The following ANO3 variants were observed in gnomAD, a reference collection of about 807,000 sequenced individuals.
ANO3 encodes the protein anoctamin-3.
Under a neutral mutation model 144.8 loss-of-function variants are expected in ANO3, and 99 were observed. The observed-to-expected ratio is 0.68, with a 90% CI of 0.58 to 0.81. The LOEUF (loss-of-function observed/expected upper bound fraction) is 0.81, where lower values mean the gene tolerates loss of function less well. ANO3 is among the 30% of genes least tolerant of loss of function. The probability of loss-of-function intolerance (pLI) is 0.00; values close to 1 mark genes in which losing one functional copy is unlikely to be tolerated. For missense variants in ANO3, 905 were observed against 1,202.2 expected (o/e 0.75, Z 3.66); for synonymous variants, 414 against 392.6 (o/e 1.05, Z -0.64).
At chr11:26,217,193 T>C (rs568894929) in intron 1 of ANO3, among the ~76,000 whole-genome samples, 38 of 152,084 alleles carry the variant, frequency 2.5e-4, no homozygotes, top group Non-Finnish European at 4.0e-4. Context: ...TATAGTTTTG[T>C]ATTTTACATT....
chr11:26,231,228 T>A (rs1396426844), intron 1 of ANO3, among the ~76,000 whole-genome samples: 1 of 152,166 alleles, frequency 6.6e-6, no homozygotes, highest in Non-Finnish European at 1.5e-5. Flanking sequence ...TAGACAGGAC[T>A]ATCTGAGGTT....
chr11:26,391,295 A>G (rs66502406), intron 1 of ANO3, among the ~76,000 whole-genome samples: 40,305 of 151,798 alleles, frequency 0.27, 6,006 homozygotes, highest in African/African-American at 0.4. Flanking sequence ...TCTCATGATG[A>G]TTAACCTGTT....
At chr11:26,365,971 TA>T (rs55879707) in intron 1 of ANO3, among the ~76,000 whole-genome samples, 2,031 of 68,612 alleles carry the variant, frequency 0.03, 86 homozygotes, top group South Asian at 0.1. Context: ...TATATATATA[TA>T]TATATATATA....
intron 3 of ANO3, chr11:26,460,161 T>A (rs1416020259): frequency 2.4e-5 from 10 of 411,674 alleles, no homozygotes; most frequent in Non-Finnish European, 9.5e-6. Context: ...ACTATCTGCA[T>A]ACTCTAATAT....
chr11:26,200,029 G>A (rs913820530), intron 1 of ANO3, among the ~76,000 whole-genome samples: 1 of 152,034 alleles, frequency 6.6e-6, no homozygotes, highest in Non-Finnish European at 1.5e-5. Context: ...TTACTTTCTG[G>A]GCTTGGAAAG....
At chr11:26,299,288 C>A (rs1475212431) in intron 1 of ANO3, among the ~76,000 whole-genome samples, 1 of 152,190 alleles carries the variant, frequency 6.6e-6, no homozygotes, top group Non-Finnish European at 1.5e-5. Context: ...AATTATATAG[C>A]ATGCCCCTAA....
intron 1 of ANO3, among the ~76,000 whole-genome samples, chr11:26,298,412 A>G (rs760281611): frequency 4.6e-5 from 7 of 152,122 alleles, no homozygotes; most frequent in Non-Finnish European, 5.9e-5. Flanking sequence ...TTTTTCCACA[A>G]CAGAAGTCCC....
chr11:26,360,376 G>A (rs1286402177), intron 1 of ANO3, among the ~76,000 whole-genome samples: 4 of 152,012 alleles, frequency 2.6e-5, no homozygotes, highest in Admixed American at 6.6e-5. Context: ...TCCCTGCAGC[G>A]TGATCAGATA....
At chr11:26,583,648 T>C (rs943930014) in intron 14 of ANO3, among the ~76,000 whole-genome samples, 2 of 152,248 alleles carry the variant, frequency 1.3e-5, no homozygotes, top group Non-Finnish European at 2.9e-5. Flanking sequence ...AGATGTACAA[T>C]GTCCCATATT....
At chr11:26,263,875 A>G (rs1226227575) in intron 1 of ANO3, among the ~76,000 whole-genome samples, 1 of 152,244 alleles carries the variant, frequency 6.6e-6, no homozygotes, top group Non-Finnish European at 1.5e-5. Context: ...TATAAAGACT[A>G]ATATAGCTTA....
intron 1 of ANO3, among the ~76,000 whole-genome samples, chr11:26,423,309 C>CTTTTTT (rs142064982): frequency 3.0e-5 from 4 of 135,170 alleles, no homozygotes; most frequent in Non-Finnish European, 6.3e-5. Flanking sequence ...TACCTTTATA[C>CTTTTTT]TTTTTTTTTT....
At chr11:26,656,323 G>C in intron 25 of ANO3, 53 bp from the exon 26 acceptor site, 1 of 1,471,282 alleles carries the variant, frequency 6.8e-7, no homozygotes, top group Non-Finnish European at 9.5e-7. Context: ...GAAAATTTGG[G>C]CCTCCACTCT....
chr11:26,291,232 C>T (rs1853949082), intron 1 of ANO3, among the ~76,000 whole-genome samples: 1 of 152,048 alleles, frequency 6.6e-6, no homozygotes, highest in Non-Finnish European at 1.5e-5. Flanking sequence ...GATTGCAACC[C>T]TTGCTTTTTT....
chr11:26,448,097 C>T (rs534955271), intron 3 of ANO3, among the ~76,000 whole-genome samples: 51 of 151,988 alleles, frequency 3.4e-4, no homozygotes, highest in Middle Eastern at 3.4e-3. Context: ...GTCGGGAGTT[C>T]GAGACCAGCC....
intron 1 of ANO3, among the ~76,000 whole-genome samples, chr11:26,202,898 G>T (rs1040268369): frequency 1.3e-5 from 2 of 152,092 alleles, no homozygotes; most frequent in Admixed American, 1.3e-4. Flanking sequence ...GATCATTTCT[G>T]ATTTACCAAG....
intron 8 of ANO3, among the ~76,000 whole-genome samples, chr11:26,533,580 T>G (rs1849428460): frequency 6.6e-6 from 1 of 151,754 alleles, no homozygotes; most frequent in African/African-American, 2.4e-5. Flanking sequence ...ACACTAAAAG[T>G]AAGGGAGTGC....
At chr11:26,586,501 A>ATTTTTTTTTT (rs1281089936) in intron 14 of ANO3, among the ~76,000 whole-genome samples, 2 of 40,016 alleles carry the variant, frequency 5.0e-5, no homozygotes, top group Admixed American at 3.0e-4. Context: ...CCTGGTGAGA[A>ATTTTTTTTTT]TCTTTTTTTT....
chr11:26,438,134 A>C (rs1169697508), intron 1 of ANO3, among the ~76,000 whole-genome samples: 1 of 152,188 alleles, frequency 6.6e-6, no homozygotes, highest in Admixed American at 6.5e-5. Flanking sequence ...CAATTGTTTA[A>C]AATAATCCAA....
chr11:26,342,832 AT>A (rs1451438172), intron 1 of ANO3, among the ~76,000 whole-genome samples: 1 of 151,354 alleles, frequency 6.6e-6, no homozygotes, highest in Admixed American at 6.6e-5. Context: ...TATTTTTTTT[AT>A]TTTTTTGTTT....
Sources: allele counts gnomAD v4.1 joint callset (sites outside exome capture counted in the v4.1 genomes callset), GRCh38; gene constraint gnomAD v4.1.1; transcripts MANE v1.5; gene names NCBI Gene and HGNC (gene_info 2026-07-23, HGNC 2026-07-21).